The following PTPRA variants were observed in gnomAD, a reference collection of about 807,000 sequenced individuals.
PTPRA encodes receptor-type tyrosine-protein phosphatase alpha.
PTPRA carries 25 observed loss-of-function variants against 104.8 expected under a neutral mutation model. The observed-to-expected ratio is 0.24, with a 90% CI of 0.17 to 0.33. The LOEUF (loss-of-function observed/expected upper bound fraction) is 0.33, where lower values mean the gene tolerates loss of function less well. Among genes scored for constraint, PTPRA ranks in the 10% least tolerant of loss-of-function variants. The pLI, the probability that PTPRA is intolerant of heterozygous loss-of-function variation, is 1.00. For missense variants in PTPRA, 765 were observed against 1,015.3 expected, an observed-to-expected ratio of 0.75 and a Z score of 3.35; for synonymous variants, 323 against 368.9, an observed-to-expected ratio of 0.88 and a Z score of 1.43.
Position 3,035,165 on chromosome 20 carries a change from C to T in PTPRA, c.1921-420C>T, listed in dbSNP as rs577508780. The stretch of plus-strand genomic sequence containing the variant: ...GGGAGAAAGGATACTGTGGCCTGGG[C>T]GGTGGTGAAGCCCATGGCTGTGTGG... On this transcript the variant is annotated intron_variant, in intron 20 of 23. Transcript: ENST00000399903. The surrounding 1 kb of genome is among the most constrained non-coding windows in gnomAD (Gnocchi z 5.8). Among the ~76,000 whole-genome samples the T allele has an allele frequency of 1.3e-5, 2 of 152,204 alleles. No homozygotes were observed. Among genetic ancestry groups the T allele is most frequent in the South Asian group, 4.2e-4 (2 of 4,818 alleles).
intron 17 of PTPRA, among the ~76,000 whole-genome samples, chr20:3,025,780 A>G (rs889035130): frequency 3.3e-5 from 5 of 149,898 alleles, no homozygotes; most frequent in African/African-American, 4.9e-5. Flanking sequence ...GAGGCAGGAG[A>G]ATCACTTGAA....
intron 1 of PTPRA, among the ~76,000 whole-genome samples, chr20:2,883,712 G>A (rs1356088194): frequency 6.7e-6 from 1 of 150,082 alleles, no homozygotes. Flanking sequence ...CGTTTTCCTC[G>A]TTGGAATTTT....
intron 13 of PTPRA, among the ~76,000 whole-genome samples, chr20:3,020,210 A>G (rs1178053): frequency 0.65 from 98,501 of 151,702 alleles, 33,878 homozygotes; most frequent in East Asian, 0.88. Context: ...CCGGGTTCAC[A>G]CCATTCTTCT....
Position 3,024,487 on chromosome 20 carries a change from A to G in PTPRA, c.1480A>G (p.Ile494Val). The change falls in exon 17 of 24, where the codon ATA becomes GTA. Residue 494 changes from isoleucine (I) to valine (V), a missense_variant. Ile to Val is a conservative substitution (Grantham distance 29). Transcript: ENST00000399903. ...MVQTDMQYVF[I>V]YQALLEHYLY... ...CATGTTTCAGATGCAGTATGTCTTC[A>G]TATACCAAGCCCTTCTGGAGCATTA... 6.2e-7 allele frequency: 1 copy of G among 1,613,776 alleles called. No individual in the cohort carries two copies. The highest frequency in any genetic ancestry group is 8.5e-7 in the Non-Finnish European group (1 of 1,179,672).
chr20:2,954,753 T>C (rs568066336), intron 3 of PTPRA, among the ~76,000 whole-genome samples: 1 of 152,378 alleles, frequency 6.6e-6, no homozygotes, highest in South Asian at 2.1e-4. Flanking sequence ...TTTGGTGTTA[T>C]ATCCAAGAAA....
rs543105774 is a variant in PTPRA, at chr20:2,946,373, A to G, written c.-49-1609A>G. Reference sequence around the variant, plus strand: ...AGGTGTAGCTCTGTAGTTTTGGACTAGTTACCTAATTCTTCATTCACAACA... The same window carrying G: ...AGGTGTAGCTCTGTAGTTTTGGACTGGTTACCTAATTCTTCATTCACAACA... On this transcript the variant is annotated intron_variant, in intron 2 of 23. Coordinates refer to ENST00000399903, the MANE Select transcript of PTPRA (RefSeq NM_001385305.1). Among the ~76,000 whole-genome samples the G allele has an allele frequency of 3.9e-5, 6 of 152,264 alleles. No homozygotes were observed. The South Asian group carries it at 1.2e-3, about 32-fold the overall frequency.
At chr20:2,986,894 A>G in intron 7 of PTPRA, 45 bp downstream of exon 7, 1 of 1,520,630 alleles carries the variant, frequency 6.6e-7, no homozygotes, top group Non-Finnish European at 9.1e-7. Context: ...CTGTTTCAAT[A>G]TCCCAGTGTC....
rs1173953972 is a variant in PTPRA at position 3,022,723 on chromosome 20, A to C, written c.1363A>C (p.Ile455Leu). ...GVGRTGTFVV[I>L]DAMLDMMHTE... ...AGGGCGTACAGGTACCTTTGTCGTC[A>C]TTGATGCCATGCTGGACATGATGCA... Residue 455 changes from isoleucine to leucine, a missense_variant, in exon 16 of 24, where the codon ATT becomes CTT. This residue lies in a region of PTPRA where 245 missense variants were observed against 398.7 expected (regional missense o/e 0.61). Transcript: ENST00000399903. This position sits in a 1 kb window ranked among gnomAD's most constrained non-coding sequence, Gnocchi z 4.6. 6.2e-7 allele frequency: 1 copy of C among 1,614,184 alleles called. No individual in the cohort carries two copies. Among genetic ancestry groups the C allele is most frequent in the Non-Finnish European group, 8.5e-7 (1 of 1,180,038 alleles).
chr20:3,002,209 C>T (rs1286310760), intron 9 of PTPRA, among the ~76,000 whole-genome samples: 3 of 151,960 alleles, frequency 2.0e-5, no homozygotes, highest in Non-Finnish European at 4.4e-5. Flanking sequence ...TTGGCATTTC[C>T]TTTATTCAGT....
At chr20:2,897,339 T>C (rs1304273511) in intron 1 of PTPRA, among the ~76,000 whole-genome samples, 1 of 152,084 alleles carries the variant, frequency 6.6e-6, no homozygotes, top group Non-Finnish European at 1.5e-5. Flanking sequence ...AGATGGTAAA[T>C]TTAAAAAATT....
chr20:3,026,823 C>T (rs79183141), intron 18 of PTPRA, 43 bp downstream of exon 18: 1 of 1,471,304 alleles, frequency 6.8e-7, no homozygotes, highest in East Asian at 2.3e-5. Flanking sequence ...TGCCCCATCC[C>T]TCAATTCCCT....
chr20:2,983,023 T>C (rs1249510006), intron 6 of PTPRA, among the ~76,000 whole-genome samples: 1 of 152,166 alleles, frequency 6.6e-6, no homozygotes, highest in Non-Finnish European at 1.5e-5. Flanking sequence ...AAGTACACAC[T>C]GTGTGCTAGT....
chr20:2,928,644 C>T (rs6115728), intron 2 of PTPRA, among the ~76,000 whole-genome samples: 50,828 of 151,736 alleles, frequency 0.33, 10,200 homozygotes, highest in Non-Finnish European at 0.46. Flanking sequence ...TGGTGGGCCC[C>T]TTAATAGATC....
At chr20:2,942,837 A>G (rs1488961303) in intron 2 of PTPRA, among the ~76,000 whole-genome samples, 1 of 151,970 alleles carries the variant, frequency 6.6e-6, no homozygotes, top group Non-Finnish European at 1.5e-5. Context: ...TGGGGGAAGC[A>G]TTATATTCCA....
At chr20:2,995,200 A>G (rs866547955) in intron 9 of PTPRA, among the ~76,000 whole-genome samples, 2 of 152,200 alleles carry the variant, frequency 1.3e-5, no homozygotes, top group South Asian at 2.1e-4. Flanking sequence ...TCCAAAATCT[A>G]TATCAACAAT....
intron 13 of PTPRA, among the ~76,000 whole-genome samples, chr20:3,018,516 T>G (rs1270239492): frequency 2.0e-5 from 3 of 151,804 alleles, no homozygotes; most frequent in Non-Finnish European, 2.9e-5. Context: ...ATACAGCACA[T>G]GTTTCAGAGA....
chr20:2,916,092 T>G (rs1233539142), intron 1 of PTPRA, among the ~76,000 whole-genome samples: 1 of 152,196 alleles, frequency 6.6e-6, no homozygotes, highest in Non-Finnish European at 1.5e-5. Context: ...CAGGCTGGAG[T>G]GCAGTAGAGC....
chr20:2,928,635 G>C (rs963467410), intron 2 of PTPRA, among the ~76,000 whole-genome samples: 4 of 151,892 alleles, frequency 2.6e-5, no homozygotes, highest in Non-Finnish European at 4.4e-5. Flanking sequence ...AGGTGTACTT[G>C]GTGGGCCCCT....
chr20:2,889,927 A>G (rs937119994), intron 1 of PTPRA, among the ~76,000 whole-genome samples: 1 of 152,108 alleles, frequency 6.6e-6, no homozygotes, highest in Non-Finnish European at 1.5e-5. Flanking sequence ...TAGGTTGCCC[A>G]TGCTGGTGTG....
Sources: allele counts gnomAD v4.1 joint callset (sites outside exome capture counted in the v4.1 genomes callset), GRCh38; gene constraint gnomAD v4.1.1; regional missense constraint gnomAD v4.1.1; non-coding constraint Gnocchi (gnomAD v3.1); transcripts MANE v1.5; gene names NCBI Gene and HGNC (gene_info 2026-07-23, HGNC 2026-07-21).